The following PRKN variants were observed in gnomAD, a reference collection of about 807,000 sequenced individuals.
PRKN encodes parkin RBR E3 ubiquitin protein ligase, also known as E3 ubiquitin-protein ligase parkin.
PRKN carries 56 observed loss-of-function variants against 59.5 expected under a neutral mutation model. The ratio of observed to expected loss-of-function variants is 0.94; its 90% CI spans 0.76 to 1.18. The LOEUF is 1.18. PRKN is among the 50% of genes most tolerant of loss of function. The probability of loss-of-function intolerance (pLI) is 0.00; values close to 1 mark genes in which losing one functional copy is unlikely to be tolerated. For synonymous variants in PRKN, 250 were observed against 222.1 expected (o/e 1.13, Z -1.12); for missense variants, 657 against 596.4 (o/e 1.10, Z -1.06).
chr6:162,458,558 A>G (rs1791015067), intron 1 of PRKN, among the ~76,000 whole-genome samples: 1 of 151,670 alleles, frequency 6.6e-6, no homozygotes, highest in Admixed American at 6.6e-5. Flanking sequence ...ACTGTTAAAT[A>G]TTTCCAGTAC....
At chr6:161,985,971 G>A (rs1781421693) in intron 5 of PRKN, among the ~76,000 whole-genome samples, 1 of 152,100 alleles carries the variant, frequency 6.6e-6, no homozygotes, top group Admixed American at 6.5e-5. Flanking sequence ...CAACCCTGGA[G>A]GCCTTCCTTG....
At chr6:162,311,570 C>A (rs1159336384) in intron 2 of PRKN, among the ~76,000 whole-genome samples, 1 of 150,892 alleles carries the variant, frequency 6.6e-6, no homozygotes, top group Non-Finnish European at 1.5e-5. Flanking sequence ...GCAACCTCCA[C>A]CTCCTGGGTT....
intron 1 of PRKN, among the ~76,000 whole-genome samples, chr6:162,610,822 C>T (rs1404995616): frequency 8.6e-5 from 13 of 152,032 alleles, no homozygotes; most frequent in Admixed American, 5.9e-4. Context: ...TTAATTCATT[C>T]GAGATTTTAT....
Position 161,581,744 on chromosome 6 carries a change from G to GACTT in PRKN, c.872-12332_872-12329dup, listed in dbSNP as rs1183076140. 6.6e-6 allele frequency among the ~76,000 whole-genome samples: 1 copy of GACTT among 152,150 alleles called. No homozygotes were observed. Among genetic ancestry groups the GACTT allele is most frequent in the Non-Finnish European group, 1.5e-5 (1 of 68,022 alleles). On this transcript the variant is annotated intron_variant, in intron 7 of 11. Transcript: ENST00000366898. This position sits in a 1 kb window ranked among gnomAD's most constrained non-coding sequence, Gnocchi z 4.5. Reference sequence around the variant, plus strand: ...TCAGAAGGCTGAGATTCTGTTTGAGGACTTAAAGGTGAGGGATGGGAAAGT... The same window carrying GACTT: ...TCAGAAGGCTGAGATTCTGTTTGAGGACTTACTTAAAGGTGAGGGATGGGAAAGT...
At position 161,829,212 on chromosome 6, in the gene PRKN, C is replaced by A. The variant is rs150111621; in HGVS notation, c.735-43304G>T. On this transcript the variant is annotated intron_variant, in intron 6 of 11. Transcript: ENST00000366898. Reference sequence around the variant, plus strand: ...TTGCACTCCAGTCTGGGTGACAGAGCCAGACTCAAAACAACAAAAACAAAA... The same window carrying A: ...TTGCACTCCAGTCTGGGTGACAGAGACAGACTCAAAACAACAAAAACAAAA... Among the ~76,000 whole-genome samples, 7 of 152,126 alleles carry A rather than the reference C, an allele frequency of 4.6e-5. No individual in the cohort carries two copies. The East Asian group carries it at 1.4e-3, about 29-fold the overall frequency.
chr6:162,558,858 T>C (rs1346971087), intron 1 of PRKN, among the ~76,000 whole-genome samples: 1 of 151,896 alleles, frequency 6.6e-6, no homozygotes, highest in Non-Finnish European at 1.5e-5. Context: ...CCCAGGCTGG[T>C]CTCAAGTTCC....
rs1162263217 is a variant in PRKN at position 161,355,189 on chromosome 6, C to T, written c.1285+4899G>A. The stretch of plus-strand genomic sequence containing the variant: ...CGCACACCCGGTGTCTTTGCTCATG[C>T]AGTCCTGGGGCCTAGGACGCCTCCT... On this transcript the variant is annotated intron_variant, in intron 11 of 11. Transcript: ENST00000366898. The surrounding 1 kb of genome is among the most constrained non-coding windows in gnomAD (Gnocchi z 6.8). Among the ~76,000 whole-genome samples the T allele has an allele frequency of 6.6e-6, 1 of 152,238 alleles. No individual in the cohort carries two copies. The highest frequency in any genetic ancestry group is 1.5e-5 in the Non-Finnish European group (1 of 68,052).
intron 3 of PRKN, among the ~76,000 whole-genome samples, chr6:162,233,800 T>C (rs1386554926): frequency 1.3e-5 from 2 of 152,166 alleles, no homozygotes; most frequent in Non-Finnish European, 2.9e-5. Context: ...CTGATAGGAC[T>C]GGTGGTTTCA....
At chr6:161,662,373 T>C (rs1276934460) in intron 7 of PRKN, among the ~76,000 whole-genome samples, 1 of 152,102 alleles carries the variant, frequency 6.6e-6, no homozygotes, top group Admixed American at 6.5e-5. Context: ...CAGGAACGGA[T>C]GGGAGAATGG....
intron 6 of PRKN, among the ~76,000 whole-genome samples, chr6:161,913,361 C>T (rs1778439665): frequency 6.6e-6 from 1 of 152,112 alleles, no homozygotes; most frequent in African/African-American, 2.4e-5. Flanking sequence ...CAACTCAATA[C>T]AATAGGACTC....
chr6:161,470,535 A>G lies in PRKN; in HGVS notation c.1083+78319T>C, dbSNP rs1305822884. ...CTTTGACCCACTCAAGAGATGTCCT[A>G]TGTCTTAGAGGGTTCTGCCCTGGCC... is the stretch of plus-strand genomic sequence containing the variant. On this transcript the variant is annotated intron_variant, in intron 9 of 11. Coordinates refer to ENST00000366898, the MANE Select transcript of PRKN (RefSeq NM_004562.3). This position sits in a 1 kb window ranked among gnomAD's most constrained non-coding sequence, Gnocchi z 5.1. Among the ~76,000 whole-genome samples, 7 of 152,216 alleles carry G rather than the reference A, an allele frequency of 4.6e-5. No homozygotes were observed. The highest frequency in any genetic ancestry group is 1.0e-4 in the Non-Finnish European group (7 of 68,032).
intron 5 of PRKN, among the ~76,000 whole-genome samples, chr6:162,052,891 A>C (rs982679518): frequency 1.3e-5 from 2 of 152,116 alleles, no homozygotes; most frequent in South Asian, 4.1e-4. Context: ...AGATGTATAT[A>C]TAATTATATT....
At chr6:162,104,821 T>A (rs77180464) in intron 4 of PRKN, among the ~76,000 whole-genome samples, 1 of 152,044 alleles carries the variant, frequency 6.6e-6, no homozygotes, top group Admixed American at 6.6e-5. Flanking sequence ...TTAAAGTAAA[T>A]GCAAAATTAA....
intron 9 of PRKN, among the ~76,000 whole-genome samples, chr6:161,496,737 G>T (rs988433364): frequency 6.6e-6 from 1 of 152,184 alleles, no homozygotes; most frequent in Non-Finnish European, 1.5e-5. Flanking sequence ...ACCAAAGTAG[G>T]TTGGCTCTAA....
At position 162,535,197 on chromosome 6, in the gene PRKN, C is replaced by T. The variant is rs908997987; in HGVS notation, c.8-91724G>A. On this transcript the variant is annotated intron_variant, in intron 1 of 11. Coordinates refer to ENST00000366898, the MANE Select transcript of PRKN (RefSeq NM_004562.3). Reference sequence around the variant, plus strand: ...CATGTTCCCCAAGCTATCACTTGCTCGGTCTTTCTGCAGCTCAGAGGGGAT... The same window carrying T: ...CATGTTCCCCAAGCTATCACTTGCTTGGTCTTTCTGCAGCTCAGAGGGGAT... Among the ~76,000 whole-genome samples the T allele has an allele frequency of 6.6e-5, 10 of 152,106 alleles. No homozygotes were observed. In the East Asian group the frequency reaches 9.6e-4, roughly 15 times the overall value.
intron 7 of PRKN, among the ~76,000 whole-genome samples, chr6:161,761,711 C>G (rs1789209265): frequency 1.3e-5 from 2 of 152,128 alleles, no homozygotes; most frequent in Admixed American, 6.5e-5. Context: ...ACAGAGGTAC[C>G]AACTTCAGTC....
chr6:162,028,173 C>T (rs781597308), intron 5 of PRKN, among the ~76,000 whole-genome samples: 12 of 152,048 alleles, frequency 7.9e-5, no homozygotes, highest in South Asian at 2.1e-4. Flanking sequence ...TGTTTATTGA[C>T]GTATTTTATC....
At chr6:162,025,017 T>TC (rs1228723832) in intron 5 of PRKN, among the ~76,000 whole-genome samples, 2 of 148,038 alleles carry the variant, frequency 1.4e-5, no homozygotes, top group Non-Finnish European at 3.0e-5. Flanking sequence ...AGATTGTATT[T>TC]TTTTTTTTTT....
intron 2 of PRKN, among the ~76,000 whole-genome samples, chr6:162,296,211 A>G (rs1781667483): frequency 7.9e-6 from 1 of 125,932 alleles, no homozygotes; most frequent in African/African-American, 2.9e-5. Context: ...GAATGTGCCC[A>G]TCCCCCCACC....
Sources: gnomAD v4.1 joint callset for allele counts (sites outside exome capture counted in the v4.1 genomes callset) on GRCh38, gnomAD v4.1.1 for gene constraint, Gnocchi (gnomAD v3.1) non-coding constraint, MANE v1.5 for transcripts, NCBI Gene and HGNC (gene_info 2026-07-23, HGNC 2026-07-21) for gene names.